The following VAT1L variants were observed in gnomAD, a reference collection of about 807,000 sequenced individuals.
VAT1L encodes the protein putative NADPH-dependent quinone oxidoreductase VAT1L.
Under a neutral mutation model 44.1 loss-of-function variants are expected in VAT1L, and 34 were observed. The observed-to-expected ratio is 0.77, with a 90% CI of 0.59 to 1.03. The LOEUF is 1.03. Among genes scored for constraint, VAT1L ranks in the 50% least tolerant of loss-of-function variants. The pLI is 0.00. For synonymous variants in VAT1L, 253 were observed against 202.2 expected (o/e 1.25, Z -2.13); for missense variants, 615 against 538.8 (o/e 1.14, Z -1.40).
chr16:77,869,241 C>G (rs1165654660), intron 4 of VAT1L, among the ~76,000 whole-genome samples: 1 of 152,088 alleles, frequency 6.6e-6, no homozygotes. Flanking sequence ...ACGTCTTTTC[C>G]TTTTTGTTGT....
intron 7 of VAT1L, among the ~76,000 whole-genome samples, chr16:77,913,261 C>G (rs900705222): frequency 1.3e-5 from 2 of 152,198 alleles, no homozygotes; most frequent in Non-Finnish European, 2.9e-5. Context: ...ACACTGTTAA[C>G]TATATACACA....
At chr16:77,796,195 G>A (rs752491126) in intron 1 of VAT1L, among the ~76,000 whole-genome samples, 2 of 152,048 alleles carry the variant, frequency 1.3e-5, no homozygotes, top group African/African-American at 2.4e-5. Flanking sequence ...TAGAACATTC[G>A]ACATATACTA....
At chr16:77,947,263 A>C (rs754483577) in intron 7 of VAT1L, among the ~76,000 whole-genome samples, 10 of 152,316 alleles carry the variant, frequency 6.6e-5, no homozygotes, top group Non-Finnish European at 2.9e-5. Context: ...GATGAAGATA[A>C]ATCAAATTAC....
At chr16:77,874,403 C>A (rs180815554) in intron 4 of VAT1L, among the ~76,000 whole-genome samples, 3 of 152,200 alleles carry the variant, frequency 2.0e-5, no homozygotes, top group Non-Finnish European at 2.9e-5. Context: ...GACCTGACCA[C>A]CAACCTGAAG....
Position 77,879,636 on chromosome 16 carries a change from T to C in VAT1L, c.882+412T>C, listed in dbSNP as rs985836195. On this transcript the variant is annotated intron_variant, in intron 6 of 8. Transcript: ENST00000302536. This position sits in a 1 kb window ranked among gnomAD's most constrained non-coding sequence, Gnocchi z 4.1. Reference sequence around the variant, plus strand: ...GACTTAATCTTGTCTTTCAATTTCCTCGTTCATTTCCCATAAAACCTGCAC... The same window carrying C: ...GACTTAATCTTGTCTTTCAATTTCCCCGTTCATTTCCCATAAAACCTGCAC... 1.3e-5 allele frequency among the ~76,000 whole-genome samples: 2 copies of C among 152,218 alleles called. No individual in the cohort carries two copies. The highest frequency in any genetic ancestry group is 4.8e-5 in the African/African-American group (2 of 41,468).
At chr16:77,936,862 G>T (rs933268512) in intron 7 of VAT1L, among the ~76,000 whole-genome samples, 1 of 116,728 alleles carries the variant, frequency 8.6e-6, no homozygotes, top group African/African-American at 3.1e-5. Flanking sequence ...CTGAGGGTTT[G>T]TTTGGTTTCT....
intron 7 of VAT1L, among the ~76,000 whole-genome samples, chr16:77,946,801 A>G (rs978357412): frequency 5.3e-5 from 8 of 152,084 alleles, no homozygotes; most frequent in Non-Finnish European, 8.8e-5. Context: ...ACTCTAGAGG[A>G]CCTGACTACT....
intron 2 of VAT1L, among the ~76,000 whole-genome samples, chr16:77,823,016 G>T (rs916234288): frequency 6.6e-6 from 1 of 152,076 alleles, no homozygotes; most frequent in Non-Finnish European, 1.5e-5. Flanking sequence ...TCTGAATGGT[G>T]CCAAGATCAG....
At chr16:77,804,726 C>T (rs1447956339) in intron 1 of VAT1L, among the ~76,000 whole-genome samples, 1 of 152,162 alleles carries the variant, frequency 6.6e-6, no homozygotes, top group Non-Finnish European at 1.5e-5. Context: ...CATGAGTTGG[C>T]ATCTTGTGCT....
intron 3 of VAT1L, among the ~76,000 whole-genome samples, chr16:77,844,248 A>G (rs1475124783): frequency 6.6e-6 from 1 of 152,202 alleles, no homozygotes; most frequent in East Asian, 1.9e-4. Context: ...AAACAGGTAC[A>G]GACTTTTTCC....
intron 7 of VAT1L, among the ~76,000 whole-genome samples, chr16:77,916,324 T>C (rs1056239235): frequency 4.6e-5 from 7 of 152,138 alleles, no homozygotes; most frequent in African/African-American, 1.7e-4. Context: ...TACAACATGG[T>C]ATGGCGCAAG....
At chr16:77,830,598 TG>T (rs2016568607) in intron 3 of VAT1L, among the ~76,000 whole-genome samples, 2 of 152,216 alleles carry the variant, frequency 1.3e-5, no homozygotes, top group Admixed American at 1.3e-4. Context: ...CCTGCTACCA[TG>T]TAAGACATGA....
At chr16:77,950,387 C>T (rs1043832092) in intron 7 of VAT1L, among the ~76,000 whole-genome samples, 5 of 138,736 alleles carry the variant, frequency 3.6e-5, no homozygotes, top group Admixed American at 7.5e-5. Flanking sequence ...CCAGCCTGGG[C>T]GACAGAGCAA....
At chr16:77,946,534 A>C (rs536873908) in intron 7 of VAT1L, among the ~76,000 whole-genome samples, 1 of 151,630 alleles carries the variant, frequency 6.6e-6, no homozygotes, top group Non-Finnish European at 1.5e-5. Flanking sequence ...TGCCCGCCTC[A>C]GCCTCCCAAA....
chr16:77,810,042 G>A (rs555720937), intron 1 of VAT1L, among the ~76,000 whole-genome samples: 1 of 152,290 alleles, frequency 6.6e-6, no homozygotes, highest in South Asian at 2.1e-4. Flanking sequence ...AGACAAATGA[G>A]AATGATGAAC....
intron 7 of VAT1L, among the ~76,000 whole-genome samples, chr16:77,950,407 T>TG (rs1387376788): frequency 2.4e-5 from 1 of 41,750 alleles, no homozygotes; most frequent in African/African-American, 1.0e-4. Context: ...AGATTCCATC[T>TG]AAACACACAC....
chr16:77,800,786 A>G (rs547521239), intron 1 of VAT1L: 1 of 152,206 alleles, frequency 6.6e-6, no homozygotes, highest in Non-Finnish European at 1.5e-5. Flanking sequence ...TGGAGTTAAT[A>G]GGAAAGATAC....
At chr16:77,896,740 G>GA (rs1305856467) in intron 7 of VAT1L, among the ~76,000 whole-genome samples, 3 of 152,226 alleles carry the variant, frequency 2.0e-5, no homozygotes, top group African/African-American at 4.8e-5. Flanking sequence ...GCGTGTTGCA[G>GA]AATTAGGCTT....
intron 1 of VAT1L, among the ~76,000 whole-genome samples, chr16:77,816,505 G>T (rs2145235326): frequency 6.6e-6 from 1 of 152,276 alleles, no homozygotes; most frequent in Admixed American, 6.5e-5. Context: ...AGGTCTGGCT[G>T]CTTTCCATGT....
Sources: gnomAD v4.1 joint callset for allele counts (sites outside exome capture counted in the v4.1 genomes callset) on GRCh38, gnomAD v4.1.1 for gene constraint, Gnocchi (gnomAD v3.1) non-coding constraint, MANE v1.5 for transcripts, NCBI Gene and HGNC (gene_info 2026-07-23, HGNC 2026-07-21) for gene names.